The following PDE8A variants were observed in gnomAD, a reference collection of about 807,000 sequenced individuals.
PDE8A encodes phosphodiesterase 8A.
In PDE8A, 59 loss-of-function variants were observed where a neutral mutation model predicts 105.0. The ratio of observed to expected loss-of-function variants is 0.56; its 90% CI spans 0.46 to 0.70. The LOEUF (loss-of-function observed/expected upper bound fraction) is 0.70, where lower values mean the gene tolerates loss of function less well. Ranked by LOEUF, PDE8A falls within the 30% of genes least tolerant of loss-of-function variation. The pLI, the probability that PDE8A is intolerant of heterozygous loss-of-function variation, is 0.00. For synonymous variants in PDE8A, 355 were observed against 371.9 expected (o/e 0.95, Z 0.52); for missense variants, 1,014 against 1,045.9 (o/e 0.97, Z 0.42).
Position 85,072,574 on chromosome 15 carries a change from T to C in PDE8A, c.435-3288T>C, listed in dbSNP as rs546775685. ...TTCCTGCTATCTGGAATGTGGACAT[T>C]ATGGCTAGTGTTCAGTATCTGTCTT... On this transcript the variant is annotated intron_variant, in intron 3 of 21. Transcript: ENST00000394553. 1.1e-4 allele frequency among the ~76,000 whole-genome samples: 16 copies of C among 152,282 alleles called. No homozygotes were observed. In the East Asian group the frequency reaches 3.1e-3, roughly 29 times the overall value.
At chr15:85,132,016 C>CT (rs908040661) in intron 20 of PDE8A, among the ~76,000 whole-genome samples, 107 of 152,320 alleles carry the variant, frequency 7.0e-4, no homozygotes, top group African/African-American at 2.1e-3. Flanking sequence ...TCGAGATCCT[C>CT]TGTCTTTTGA....
At chr15:84,997,557 C>T (rs1302340925) in intron 1 of PDE8A, among the ~76,000 whole-genome samples, 2 of 151,868 alleles carry the variant, frequency 1.3e-5, no homozygotes, top group Non-Finnish European at 2.9e-5. Flanking sequence ...TTCTTCAGAA[C>T]ATTTATATGA....
intron 20 of PDE8A, among the ~76,000 whole-genome samples, chr15:85,132,231 C>G (rs867318585): frequency 6.6e-6 from 1 of 152,182 alleles, no homozygotes; most frequent in South Asian, 2.1e-4. Flanking sequence ...CTTAGCCTCT[C>G]AAGTAGCTGA....
intron 1 of PDE8A, among the ~76,000 whole-genome samples, chr15:85,013,702 T>G (rs796587428): frequency 3.9e-5 from 6 of 152,352 alleles, no homozygotes; most frequent in African/African-American, 1.4e-4. Context: ...TCTCACTGTT[T>G]CTTTGGTTCA....
intron 1 of PDE8A, among the ~76,000 whole-genome samples, chr15:85,034,637 A>G (rs1216955314): frequency 6.6e-6 from 1 of 152,252 alleles, no homozygotes; most frequent in Non-Finnish European, 1.5e-5. Flanking sequence ...CTACAAAGCT[A>G]AACAGTAAGA....
At chr15:85,039,161 C>T (rs938581260) in intron 1 of PDE8A, among the ~76,000 whole-genome samples, 2 of 151,558 alleles carry the variant, frequency 1.3e-5, no homozygotes, top group Non-Finnish European at 2.9e-5. Context: ...TACAGTGGCT[C>T]ATGCCTATAA....
chr15:85,088,856 A>G (rs967311074), intron 6 of PDE8A, among the ~76,000 whole-genome samples: 17 of 152,274 alleles, frequency 1.1e-4, no homozygotes, highest in African/African-American at 3.4e-4. Context: ...TGAAGAAAGC[A>G]GGAAGCAAAG....
intron 1 of PDE8A, among the ~76,000 whole-genome samples, chr15:85,025,737 G>A (rs990988261): frequency 6.6e-6 from 1 of 152,204 alleles, no homozygotes; most frequent in African/African-American, 2.4e-5. Context: ...AGACCAAAAA[G>A]TCTTTGTAAG....
At chr15:85,119,615 G>T (rs368322276) in intron 17 of PDE8A, among the ~76,000 whole-genome samples, 2 of 151,914 alleles carry the variant, frequency 1.3e-5, no homozygotes, top group South Asian at 4.2e-4. Context: ...AGTCTGTAGG[G>T]TATTTCCAAA....
intron 1 of PDE8A, among the ~76,000 whole-genome samples, chr15:85,007,602 T>C (rs2080169778): frequency 1.3e-5 from 2 of 152,110 alleles, no homozygotes; most frequent in East Asian, 3.9e-4. Flanking sequence ...AGATCTCAGC[T>C]CTGCAACTTT....
At chr15:85,076,237 G>C (rs951410732) in intron 4 of PDE8A, among the ~76,000 whole-genome samples, 1 of 152,118 alleles carries the variant, frequency 6.6e-6, no homozygotes, top group Non-Finnish European at 1.5e-5. Context: ...TATCTCTGAG[G>C]GGGGAATCTT....
At chr15:85,069,103 A>G (rs572459320) in intron 3 of PDE8A, among the ~76,000 whole-genome samples, 1 of 152,352 alleles carries the variant, frequency 6.6e-6, no homozygotes, top group East Asian at 1.9e-4. Flanking sequence ...AAATATTTCA[A>G]TGAAAAAAAG....
rs143979080 is a variant in PDE8A at position 85,083,101 on chromosome 15, C to T, written c.547-455C>T. Among the ~76,000 whole-genome samples the T allele has an allele frequency of 2.0e-4, 30 of 152,270 alleles. No individual in the cohort carries two copies. In the East Asian group the frequency reaches 5.8e-3, roughly 29 times the overall value. Reference sequence around the variant, plus strand: ...TGGGGTTCCCCCTGTGAAATACAGGCGCAAATAGAAATGCAAGTATATTTT... The same window carrying T: ...TGGGGTTCCCCCTGTGAAATACAGGTGCAAATAGAAATGCAAGTATATTTT... On this transcript the variant is annotated intron_variant, in intron 5 of 21. Coordinates refer to ENST00000394553, the MANE Select transcript of PDE8A (RefSeq NM_002605.3).
At chr15:85,088,225 A>G (rs536074662) in intron 6 of PDE8A, among the ~76,000 whole-genome samples, 1 of 152,224 alleles carries the variant, frequency 6.6e-6, no homozygotes, top group South Asian at 2.1e-4. Context: ...GGGTTTCACC[A>G]CGTTGGCCAG....
chr15:85,050,846 A>G (rs2080961688), intron 1 of PDE8A, among the ~76,000 whole-genome samples: 1 of 152,196 alleles, frequency 6.6e-6, no homozygotes, highest in African/African-American at 2.4e-5. Context: ...TTTCTTCAAA[A>G]AACATATTTG....
At chr15:85,040,761 G>A (rs1449204468) in intron 1 of PDE8A, among the ~76,000 whole-genome samples, 2 of 151,788 alleles carry the variant, frequency 1.3e-5, no homozygotes, top group Non-Finnish European at 2.9e-5. Context: ...GGGTTTCACC[G>A]TGTTAGCCAG....
At chr15:85,071,939 C>T (rs2081317040) in intron 3 of PDE8A, among the ~76,000 whole-genome samples, 1 of 152,058 alleles carries the variant, frequency 6.6e-6, no homozygotes, top group Non-Finnish European at 1.5e-5. Flanking sequence ...AGAAGAGGTG[C>T]AGCAGTATTT....
At chr15:85,074,032 G>T (rs2081348466) in intron 3 of PDE8A, among the ~76,000 whole-genome samples, 1 of 152,220 alleles carries the variant, frequency 6.6e-6, no homozygotes, top group South Asian at 2.1e-4. Flanking sequence ...GCAGGTGGAT[G>T]CTAGAGGAGT....
At chr15:85,089,053 C>A (rs1320698003) in intron 6 of PDE8A, among the ~76,000 whole-genome samples, 2 of 152,032 alleles carry the variant, frequency 1.3e-5, no homozygotes, top group South Asian at 2.1e-4. Context: ...GCCCAGGGTC[C>A]CACAGCTGCT....
Sources: allele counts gnomAD v4.1 joint callset (sites outside exome capture counted in the v4.1 genomes callset), GRCh38; gene constraint gnomAD v4.1.1; transcripts MANE v1.5; gene names NCBI Gene and HGNC (gene_info 2026-07-23, HGNC 2026-07-21).